Variants in ATXN3 observed in about 807,000 individuals in gnomAD.
ATXN3 encodes the protein ataxin-3.
Under a neutral mutation model 58.2 loss-of-function variants are expected in ATXN3, and 28 were observed. The observed-to-expected ratio is 0.48, with a 90% CI of 0.36 to 0.66. ATXN3 has a LOEUF of 0.66. Among genes scored for constraint, ATXN3 ranks in the 30% least tolerant of loss-of-function variants. The probability of loss-of-function intolerance (pLI) is 0.00; values close to 1 mark genes in which losing one functional copy is unlikely to be tolerated. For synonymous variants in ATXN3, 113 were observed against 138.5 expected, an observed-to-expected ratio of 0.82 and a Z score of 1.29; for missense variants, 321 against 422.1, an observed-to-expected ratio of 0.76 and a Z score of 2.10.
Position 92,063,304 on chromosome 14 carries a change from A to C in ATXN3, c.*1016T>G, listed in dbSNP as rs1263218084. 2.0e-5 allele frequency: 3 copies of C among 152,402 alleles called. No individual in the cohort carries two copies. The highest frequency in any genetic ancestry group is 4.8e-5 in the African/African-American group (2 of 41,458). The allele number at this position is 152,402 out of a possible 1,614,324, so 9.4% of individuals were successfully genotyped here. A position where few individuals can be genotyped will look rare whatever the true frequency, so the allele number is the denominator to read the frequency against. ...CCTACATTCCATGACTCAACTGTAA[A>C]GAGAACACAAAGCTCCAGTCATAGG... On this transcript the variant is annotated 3_prime_UTR_variant, in exon 11 of 11. Transcript: ENST00000644486.
Position 92,062,657 on chromosome 14 carries a change from AAT to A in ATXN3, c.*1661_*1662del, listed in dbSNP as rs2057854715. 1 of 152,300 alleles carries A rather than the reference AAT, an allele frequency of 6.6e-6. No individual in the cohort carries two copies. Among genetic ancestry groups the A allele is most frequent in the African/African-American group, 2.4e-5 (1 of 41,466 alleles). 9.4% of individuals were successfully genotyped at this position (152,300 alleles called of 1,614,324 possible). ...TATTAAAAGAAACTTTAGATTTTAAAATAAAGCTATCCTTTTGTGTAAGGGAA... is the reference window on the plus strand; with the variant it reads ...TATTAAAAGAAACTTTAGATTTTAAAAAAGCTATCCTTTTGTGTAAGGGAA... On this transcript the variant is annotated 3_prime_UTR_variant, in exon 11 of 11. Transcript: ENST00000644486.
At chr14:92,058,489 G>C (rs375420935), downstream of ATXN3, 32 of 152,284 alleles carry the variant, frequency 2.1e-4, no homozygotes, top group East Asian at 5.8e-3. Context: ...AAGCCACCAA[G>C]CCCAGCTCTA....
At chr14:92,067,974 A>G (rs1455772537) in intron 10 of ATXN3, among the ~76,000 whole-genome samples, 1 of 152,170 alleles carries the variant, frequency 6.6e-6, no homozygotes, top group Non-Finnish European at 1.5e-5. Context: ...GAGGGAGAGC[A>G]GTGCCTTGTT....
chr14:92,101,251 A>T (rs2066704856), intron 1 of ATXN3, among the ~76,000 whole-genome samples: 1 of 152,226 alleles, frequency 6.6e-6, no homozygotes, highest in Admixed American at 6.5e-5. Flanking sequence ...GGATCACTTG[A>T]GCCCAGGAGT....
Position 92,070,919 on chromosome 14 carries a change from G to A in ATXN3, c.991+16C>T. ...TGTGAAGGTAGCGAACATGATGAAT[G>A]GTGAGCAGGCCTTACCTAGATCACT... On this transcript the variant is annotated intron_variant, in intron 10 of 10. Transcript: ENST00000644486. 6.2e-7 allele frequency: 1 copy of A among 1,612,860 alleles called. No individual in the cohort carries two copies. Among genetic ancestry groups the A allele is most frequent in the Non-Finnish European group, 8.5e-7 (1 of 1,179,690 alleles).
rs55875032 is a variant in ATXN3, at chr14:92,088,848, T to C, written c.388-31A>G. On this transcript the variant is annotated intron_variant, in intron 5 of 10. Coordinates refer to ENST00000644486, the MANE Select transcript of ATXN3 (RefSeq NM_004993.6). ...AAAAAATTGTCAATATTTAAGTTAG[T>C]GTATATTATAGGTAATAAGGAAGTT... is the stretch of plus-strand genomic sequence containing the variant. The C allele has an allele frequency of 1.5e-5, 19 of 1,301,760 alleles. No homozygotes were observed. The East Asian group carries it at 4.1e-4, about 28-fold the overall frequency. 80.6% of individuals were successfully genotyped at this position (1,301,760 alleles called of 1,614,324 possible). A position where few individuals can be genotyped will look rare whatever the true frequency, so the allele number is the denominator to read the frequency against.
At chr14:92,064,519 T>C in intron 10 of ATXN3, 105 bp from the exon 11 acceptor site, 1 of 840,138 alleles carries the variant, frequency 1.2e-6, no homozygotes, top group Non-Finnish European at 1.9e-6. Flanking sequence ...CACGAGTTTC[T>C]TTTTTTGATT....
chr14:92,092,790 A>G (rs1480783547), intron 5 of ATXN3, among the ~76,000 whole-genome samples: 2 of 151,542 alleles, frequency 1.3e-5, no homozygotes, highest in African/African-American at 4.8e-5. Flanking sequence ...TGCTACACAC[A>G]CACACATTAC....
At chr14:92,105,071 G>A (rs953897821) in intron 1 of ATXN3, among the ~76,000 whole-genome samples, 1 of 152,072 alleles carries the variant, frequency 6.6e-6, no homozygotes, top group African/African-American at 2.4e-5. Flanking sequence ...CTCCCCCACT[G>A]AACATCAGCC....
At chr14:92,070,674 G>T in intron 10 of ATXN3, 3 of 900,660 alleles carry the variant, frequency 3.3e-6, no homozygotes, top group Non-Finnish European at 4.8e-6. Context: ...TTCATTAAAT[G>T]TTCTAGCAAT....
chr14:92,082,522 CA>C, intron 7 of ATXN3, 56 bp from the exon 8 acceptor site: 42 of 1,469,472 alleles, frequency 2.9e-5, no homozygotes, highest in Non-Finnish European at 3.7e-5. Flanking sequence ...TTAGACATAA[CA>C]TAAAGGCATT....
chr14:92,068,970 T>C (rs971959021), intron 10 of ATXN3, among the ~76,000 whole-genome samples: 1 of 152,210 alleles, frequency 6.6e-6, no homozygotes, highest in Non-Finnish European at 1.5e-5. Context: ...AGTTCATTCC[T>C]TTTTTTATTC....
At chr14:92,068,937 C>A (rs1336183428) in intron 10 of ATXN3, among the ~76,000 whole-genome samples, 2 of 151,664 alleles carry the variant, frequency 1.3e-5, no homozygotes, top group Non-Finnish European at 2.9e-5. Flanking sequence ...TGTACTTAAA[C>A]AGGAGGAATA....
chr14:92,053,699 G>T (rs1178858697), downstream of ATXN3, among the ~76,000 whole-genome samples: 1 of 151,834 alleles, frequency 6.6e-6, no homozygotes, highest in Non-Finnish European at 1.5e-5. Context: ...AGGTCTCCCT[G>T]TGTTGCTCAA....
upstream of ATXN3, among the ~76,000 whole-genome samples, chr14:92,052,733 A>G (rs1269904554): frequency 6.6e-6 from 1 of 152,136 alleles, no homozygotes; most frequent in Non-Finnish European, 1.5e-5. Flanking sequence ...CATACTTTCC[A>G]GGTGCCCAGA....
intron 2 of ATXN3, among the ~76,000 whole-genome samples, chr14:92,045,840 G>T (rs188532323): frequency 8.8e-4 from 134 of 152,318 alleles, no homozygotes; most frequent in African/African-American, 3.1e-3. Context: ...GTGAATAGGT[G>T]GGAGTGACTG....
rs1481909823 is a variant in ATXN3, at chr14:92,064,080, AACATTTAGAAAAC to A, written c.*227_*239del. 3 of 278,156 alleles carry A rather than the reference AACATTTAGAAAAC, an allele frequency of 1.1e-5. No individual in the cohort carries two copies. The East Asian group carries it at 2.0e-4, about 18-fold the overall frequency. 17.2% of individuals were successfully genotyped at this position (278,156 alleles called of 1,614,324 possible). ...ATTGCACACTCAAAAAAGAAAAAGAAACATTTAGAAAACTATTTTAAATGTCTTTAATTGCTGA... is the reference window on the plus strand; with the variant it reads ...ATTGCACACTCAAAAAAGAAAAAGAATATTTTAAATGTCTTTAATTGCTGA... On this transcript the variant is annotated 3_prime_UTR_variant, in exon 11 of 11. Coordinates refer to ENST00000644486, the MANE Select transcript of ATXN3 (RefSeq NM_004993.6).
intron 4 of ATXN3, 55 bp downstream of exon 4, chr14:92,093,691 C>T: frequency 3.0e-6 from 4 of 1,326,420 alleles, no homozygotes; most frequent in Non-Finnish European, 4.3e-6. Context: ...GAAATTACAA[C>T]TTTAAAAATC....
At chr14:92,095,850 G>C (rs1490171107) in intron 3 of ATXN3, among the ~76,000 whole-genome samples, 1 of 151,912 alleles carries the variant, frequency 6.6e-6, no homozygotes, top group African/African-American at 2.4e-5. Flanking sequence ...GCTGAGGCAG[G>C]AGGATCGCTT....
Sources: gnomAD v4.1 joint callset for allele counts (sites outside exome capture counted in the v4.1 genomes callset) on GRCh38, gnomAD v4.1.1 for gene constraint, MANE v1.5 for transcripts, NCBI Gene and HGNC (gene_info 2026-07-23, HGNC 2026-07-21) for gene names.